Variants in BPHL observed in about 807,000 individuals in gnomAD.
BPHL encodes biphenyl hydrolase like.
Under a neutral mutation model 31.2 loss-of-function variants are expected in BPHL, and 27 were observed. That is an observed-to-expected ratio of 0.87 (90% CI 0.64 to 1.19). The LOEUF (loss-of-function observed/expected upper bound fraction) is 1.19. Ranked by LOEUF, BPHL falls within the 50% of genes most tolerant of loss-of-function variation. The pLI, the probability that BPHL is intolerant of heterozygous loss-of-function variation, is 0.00. For missense variants in BPHL, 356 were observed against 375.7 expected (o/e 0.95, Z 0.43); for synonymous variants, 150 against 146.8 (o/e 1.02, Z -0.16).
At chr6:3,141,939 A>G (rs931993356) in intron 6 of BPHL, among the ~76,000 whole-genome samples, 3 of 151,866 alleles carry the variant, frequency 2.0e-5, no homozygotes, top group African/African-American at 7.3e-5. Flanking sequence ...ATGCCACTAC[A>G]CTCCAGCTGG....
intron 6 of BPHL, among the ~76,000 whole-genome samples, chr6:3,142,821 A>G (rs1037300497): frequency 6.6e-6 from 1 of 152,226 alleles, no homozygotes; most frequent in African/African-American, 2.4e-5. Flanking sequence ...TAAATGTGTT[A>G]TGTGCCCTTA....
chr6:3,143,176 C>T (rs748986311), intron 6 of BPHL, among the ~76,000 whole-genome samples: 2 of 152,162 alleles, frequency 1.3e-5, no homozygotes, highest in Non-Finnish European at 2.9e-5. Context: ...CAAGATCACG[C>T]CACTGCACTC....
chr6:3,123,991 CTG>C (rs1183166563), intron 2 of BPHL: 2 of 281,298 alleles, frequency 7.1e-6, no homozygotes, highest in Admixed American at 5.5e-5. Flanking sequence ...TGCAAGTACT[CTG>C]TGAAATCACA....
In BPHL at chr6:3,152,767, C is replaced by T; in HGVS notation, c.*192C>T. On this transcript the variant is annotated 3_prime_UTR_variant, in exon 7 of 7. Transcript: ENST00000380379. ...TCAGGCTGGGCACGGTGGCTCACAG[C>T]TATAATCTCAGCACTTTGGGAGGCT... 1 of 501,208 alleles carries T rather than the reference C, an allele frequency of 2.0e-6. No individual in the cohort carries two copies. The highest frequency in any genetic ancestry group is 3.5e-6 in the Non-Finnish European group (1 of 287,464). 31.0% of individuals were successfully genotyped at this position (501,208 alleles called of 1,614,324 possible).
chr6:3,127,388 G>T lies in BPHL; in HGVS notation c.358G>T (p.Asp120Tyr). 6.2e-7 allele frequency: 1 copy of T among 1,606,816 alleles called. No homozygotes were observed. The highest frequency in any genetic ancestry group is 8.5e-7 in the Non-Finnish European group (1 of 1,175,380). ...PADFFERDAK[D>Y]AVDLMKALKF... Reference sequence around the variant, plus strand: ...AGACTTTTTTGAAAGGGATGCAAAAGATGCTGTTGATTTGATGAAGGTAGG... The same window carrying T: ...AGACTTTTTTGAAAGGGATGCAAAATATGCTGTTGATTTGATGAAGGTAGG... Residue 120 changes from aspartate to tyrosine, a missense_variant, in exon 3 of 7, where the codon GAT (aspartate) becomes TAT (tyrosine). Asp to Tyr is a radical substitution (Grantham distance 160). Transcript: ENST00000380379.
At chr6:3,120,400 A>G (rs190129491) in intron 1 of BPHL, among the ~76,000 whole-genome samples, 107 of 152,276 alleles carry the variant, frequency 7.0e-4, no homozygotes, top group African/African-American at 2.5e-3. Flanking sequence ...GTTGCATTGC[A>G]GATCATTCTT....
intron 1 of BPHL, 133 bp downstream of exon 1, chr6:3,118,980 G>A (rs763587110): frequency 5.2e-5 from 40 of 768,612 alleles, no homozygotes; most frequent in Non-Finnish European, 7.0e-5. Context: ...CTGCCCTGTC[G>A]CCCTTTGTGC....
Position 3,140,653 on chromosome 6 carries a change from TA to T in BPHL, c.788+145del. 1 of 1,289,188 alleles carries T rather than the reference TA, an allele frequency of 7.8e-7. No individual in the cohort carries two copies. Among genetic ancestry groups the T allele is most frequent in the Non-Finnish European group, 1.1e-6 (1 of 935,184 alleles). 79.9% of individuals were successfully genotyped at this position (1,289,188 alleles called of 1,614,324 possible). On this transcript the variant is annotated intron_variant, in intron 6 of 6. Transcript: ENST00000380379. This position sits in a 1 kb window ranked among gnomAD's most constrained non-coding sequence, Gnocchi z 5.2. ...CCAATGCCAGTCAGTAGCACCGCTT[TA>T]TTTAGGGTACCACGGAAGAGAGAAG...
At chr6:3,137,524 CTGTTATAGAGGG>C (rs770828764) in intron 5 of BPHL, 31 bp downstream of exon 5, 55 of 1,612,854 alleles carry the variant, frequency 3.4e-5, no homozygotes, top group Non-Finnish European at 4.5e-5. Context: ...GGCTCTCTGC[CTGTTATAGAGGG>C]TGCTCGAGTT....
chr6:3,136,374 C>T (rs1331992223), intron 4 of BPHL, among the ~76,000 whole-genome samples: 1 of 152,206 alleles, frequency 6.6e-6, no homozygotes, highest in Non-Finnish European at 1.5e-5. Flanking sequence ...AGTTCATCCT[C>T]TTCAGCCTTT....
At chr6:3,138,325 C>CCTG in intron 5 of BPHL, 1 of 162,798 alleles carries the variant, frequency 6.1e-6, no homozygotes, top group Admixed American at 6.2e-5. Flanking sequence ...GCCTCCTATT[C>CCTG]TTTATCTGAA....
intron 3 of BPHL, among the ~76,000 whole-genome samples, chr6:3,127,955 G>A (rs1371521295): frequency 6.6e-6 from 1 of 152,008 alleles, no homozygotes; most frequent in Non-Finnish European, 1.5e-5. Context: ...TGAGTAGCTG[G>A]GATTACAGGC....
chr6:3,132,963 G>T (rs1302727225), intron 4 of BPHL, among the ~76,000 whole-genome samples: 3 of 152,136 alleles, frequency 2.0e-5, no homozygotes, highest in African/African-American at 7.2e-5. Flanking sequence ...TTTAAATTCA[G>T]TCTGTCTAAT....
In BPHL at chr6:3,127,245, G is replaced by A. The variant is rs748519098; in HGVS notation, c.215G>A (p.Ser72Asn). 2.2e-5 allele frequency: 34 copies of A among 1,542,576 alleles called. No homozygotes were observed. Among genetic ancestry groups the A allele is most frequent in the South Asian group, 7.4e-5 (6 of 81,034 alleles). The change falls in exon 3 of 7, where the codon AGT becomes AAT. Residue 72 changes from serine to asparagine, a missense_variant. Coordinates refer to ENST00000380379, the MANE Select transcript of BPHL (RefSeq NM_004332.4). The stretch of plus-strand genomic sequence containing the variant: ...GTAACCAAGTGGCTGTTTTTAGGAA[G>A]TGGAGAGACTGATTTTGGACCTCAG... ...AVLLLPGMLG[S>N]GETDFGPQLK...
At chr6:3,134,637 G>A (rs544274120) in intron 4 of BPHL, among the ~76,000 whole-genome samples, 1 of 136,776 alleles carries the variant, frequency 7.3e-6, no homozygotes, top group Non-Finnish European at 1.5e-5. Flanking sequence ...ACGGAGTCTC[G>A]CTCTGTCACC....
rs776072457 is a variant in BPHL at position 3,137,431 on chromosome 6, A to G, written c.602A>G (p.Tyr201Cys). The G allele has an allele frequency of 6.2e-7, 1 of 1,613,142 alleles. No homozygotes were observed. Among genetic ancestry groups the G allele is most frequent in the Non-Finnish European group, 8.5e-7 (1 of 1,179,900 alleles). The change falls in exon 5 of 7, where the codon TAC becomes TGC. Residue 201 changes from tyrosine to cysteine, a missense_variant. Coordinates refer to ENST00000380379, the MANE Select transcript of BPHL (RefSeq NM_004332.4). The stretch of plus-strand genomic sequence containing the variant: ...CTAGAAGCCCTCTATGGGTATGACT[A>G]CTTTGCCAGAACCTGTGAAAAGTGG... Reference protein sequence around the residue: ...KPLEALYGYDYFARTCEKWVD... With the variant: ...KPLEALYGYDCFARTCEKWVD...
intron 6 of BPHL, among the ~76,000 whole-genome samples, chr6:3,147,946 T>A (rs886909379): frequency 2.0e-5 from 3 of 152,256 alleles, no homozygotes; most frequent in African/African-American, 7.2e-5. Context: ...GTTCTCAGCC[T>A]TCTTGTTCTA....
intron 4 of BPHL, among the ~76,000 whole-genome samples, chr6:3,130,391 A>G (rs891443194): frequency 2.0e-5 from 3 of 152,164 alleles, no homozygotes; most frequent in African/African-American, 7.2e-5. Context: ...TGCCCCATTG[A>G]GATGACCAGG....
chr6:3,125,296 C>T (rs534420961), intron 2 of BPHL, among the ~76,000 whole-genome samples: 28 of 152,198 alleles, frequency 1.8e-4, no homozygotes, highest in South Asian at 8.3e-4. Flanking sequence ...CTACTCGCCC[C>T]GGCCTCCCAA....
Sources: gnomAD v4.1 joint callset for allele counts (sites outside exome capture counted in the v4.1 genomes callset) on GRCh38, gnomAD v4.1.1 for gene constraint, Gnocchi (gnomAD v3.1) non-coding constraint, MANE v1.5 for transcripts, NCBI Gene and HGNC (gene_info 2026-07-23, HGNC 2026-07-21) for gene names.